TRIO: variants seen among roughly 807,000 people sequenced by gnomAD.
TRIO encodes the protein trio Rho guanine nucleotide exchange factor.
TRIO carries 58 observed loss-of-function variants against 351.9 expected under a neutral mutation model. The ratio of observed to expected loss-of-function variants is 0.16; its 90% CI spans 0.13 to 0.21. The LOEUF (loss-of-function observed/expected upper bound fraction) is 0.21, where lower values mean the gene tolerates loss of function less well. Ranked by LOEUF, TRIO falls within the 10% of genes least tolerant of loss-of-function variation. The pLI, the probability that TRIO is intolerant of heterozygous loss-of-function variation, is 1.00. For synonymous variants in TRIO, 1,758 were observed against 1,595.7 expected (o/e 1.10, Z -2.42); for missense variants, 3,201 against 4,027.8 (o/e 0.79, Z 5.56).
chr5:14,146,807 C>T (rs1266529116), intron 1 of TRIO, among the ~76,000 whole-genome samples: 1 of 152,166 alleles, frequency 6.6e-6, no homozygotes, highest in African/African-American at 2.4e-5. Context: ...TTGGGTAGTT[C>T]AGGGCTCCAG....
chr5:14,328,476 A>G (rs1032113337), intron 9 of TRIO, among the ~76,000 whole-genome samples: 1 of 152,274 alleles, frequency 6.6e-6, no homozygotes, highest in African/African-American at 2.4e-5. Context: ...GAGTTAAAAC[A>G]ATGCGCTCAA....
intron 9 of TRIO, among the ~76,000 whole-genome samples, chr5:14,328,309 G>A (rs1740586024): frequency 6.6e-6 from 1 of 152,152 alleles, no homozygotes; most frequent in African/African-American, 2.4e-5. Context: ...TTAAAACAAT[G>A]TGCTCAATAC....
chr5:14,496,866 T>G lies in TRIO; in HGVS notation c.7881-13T>G. The G allele has an allele frequency of 6.2e-7, 1 of 1,613,762 alleles. No homozygotes were observed. Among genetic ancestry groups the G allele is most frequent in the Non-Finnish European group, 8.5e-7 (1 of 1,179,810 alleles). On this transcript the variant is annotated splice_polypyrimidine_tract_variant and intron_variant, in intron 49 of 56. Coordinates refer to ENST00000344204, the MANE Select transcript of TRIO (RefSeq NM_007118.4). ...GAAAGGCATAATACCCACAGTGTGTTCATTTCCCCTAGGAAGTCAACATCT... is the reference window on the plus strand; with the variant it reads ...GAAAGGCATAATACCCACAGTGTGTGCATTTCCCCTAGGAAGTCAACATCT...
intron 19 of TRIO, 117 bp downstream of exon 19, chr5:14,374,460 C>T (rs1228038220): frequency 1.6e-6 from 1 of 631,904 alleles, no homozygotes; most frequent in Non-Finnish European, 2.6e-6. Flanking sequence ...ATGTCCGTTT[C>T]ATGTTAATGA....
intron 55 of TRIO, among the ~76,000 whole-genome samples, chr5:14,505,267 C>T (rs765997228): frequency 1.1e-4 from 17 of 152,348 alleles, no homozygotes; most frequent in East Asian, 3.9e-4. Context: ...GGGGTGAGTC[C>T]GGCAGGGAGC....
intron 48 of TRIO, chr5:14,488,932 C>T (rs1338294140): frequency 1.3e-6 from 1 of 763,432 alleles, no homozygotes; most frequent in East Asian, 2.4e-5. Context: ...CTCGTTTGGC[C>T]CATCACTCAT....
At chr5:14,363,127 TAGCTGGG>T (rs775536777) in intron 13 of TRIO, among the ~76,000 whole-genome samples, 13 of 151,980 alleles carry the variant, frequency 8.6e-5, no homozygotes, top group Non-Finnish European at 1.8e-4. Context: ...GCCTCCCAAG[TAGCTGGG>T]ACTACAGGCA....
At chr5:14,397,825 AT>A (rs1277898961) in intron 29 of TRIO, among the ~76,000 whole-genome samples, 1 of 151,770 alleles carries the variant, frequency 6.6e-6, no homozygotes, top group Non-Finnish European at 1.5e-5. Flanking sequence ...AGCAAAACAG[AT>A]TTTTCTTTCT....
At position 14,482,728 on chromosome 5, in the gene TRIO, G is replaced by A. The variant is rs1322306149; in HGVS notation, c.6612G>A (p.Lys2204=). The A allele has an allele frequency of 6.2e-7, 1 of 1,609,504 alleles. No homozygotes were observed. ...TATTCAGCGAACCACTTGATAAAAA[G>A]AAGGGCTTCTCCATGCCGGGATTCC... ...IVIFSEPLDK[K]KGFSMPGFLF... The change falls in exon 46 of 57, where the codon AAG becomes AAA. Residue 2204 remains lysine (K), a synonymous_variant. Transcript: ENST00000344204.
intron 34 of TRIO, among the ~76,000 whole-genome samples, chr5:14,425,211 T>A (rs994815212): frequency 1.3e-5 from 2 of 152,206 alleles, no homozygotes; most frequent in Non-Finnish European, 2.9e-5. Flanking sequence ...TCTGTGCCCA[T>A]GGAACAAAAC....
At chr5:14,212,677 A>G (rs892093707) in intron 1 of TRIO, among the ~76,000 whole-genome samples, 5 of 152,132 alleles carry the variant, frequency 3.3e-5, no homozygotes, top group African/African-American at 7.2e-5. Context: ...CCAATCCCCA[A>G]AATGGAGAAC....
intron 8 of TRIO, among the ~76,000 whole-genome samples, chr5:14,310,715 T>G (rs980236300): frequency 6.6e-6 from 1 of 152,240 alleles, no homozygotes; most frequent in Non-Finnish European, 1.5e-5. Flanking sequence ...GAGTGGAGTC[T>G]TCTTCTGTTG....
At chr5:14,452,983 C>T (rs550818952) in intron 34 of TRIO, among the ~76,000 whole-genome samples, 1 of 152,108 alleles carries the variant, frequency 6.6e-6, no homozygotes, top group East Asian at 1.9e-4. Flanking sequence ...CCTGGCAGTC[C>T]CCGTGTTTTG....
rs1737430286 is a variant in TRIO at position 14,297,117 on chromosome 5, C to G, written c.1222C>G (p.Leu408Val). 1 of 1,614,092 alleles carries G rather than the reference C, an allele frequency of 6.2e-7. No individual in the cohort carries two copies. The highest frequency in any genetic ancestry group is 1.3e-5 in the African/African-American group (1 of 75,046). ...INRIMSVANR[L>V]VESGHYASQQ... ...CCGCATCATGTCGGTGGCCAATCGT[C>G]TGGTGGAGTCTGGCCACTATGCCTC... Residue 408 changes from leucine (L) to valine (V), a missense_variant, in exon 7 of 57, where the codon CTG (leucine) becomes GTG (valine). This residue lies in a region of TRIO where 349 missense variants were observed against 449.3 expected (regional missense o/e 0.78). Coordinates refer to ENST00000344204, the MANE Select transcript of TRIO (RefSeq NM_007118.4).
intron 1 of TRIO, among the ~76,000 whole-genome samples, chr5:14,145,204 C>T (rs1327368035): frequency 6.6e-6 from 1 of 152,176 alleles, no homozygotes. Context: ...ATCAGTTCCC[C>T]AATCCGGGTC....
At chr5:14,185,500 C>T (rs1387114048) in intron 1 of TRIO, among the ~76,000 whole-genome samples, 1 of 152,220 alleles carries the variant, frequency 6.6e-6, no homozygotes, top group Non-Finnish European at 1.5e-5. Flanking sequence ...GCCACACACG[C>T]ACTGGAGCTG....
intron 1 of TRIO, among the ~76,000 whole-genome samples, chr5:14,166,634 T>G (rs1271841865): frequency 2.0e-5 from 3 of 152,174 alleles, no homozygotes; most frequent in Non-Finnish European, 4.4e-5. Flanking sequence ...GCTTAGTAAG[T>G]GTTCACCAAA....
At chr5:14,411,157 C>T (rs577244305) in intron 33 of TRIO, among the ~76,000 whole-genome samples, 3 of 152,176 alleles carry the variant, frequency 2.0e-5, no homozygotes, top group Non-Finnish European at 4.4e-5. Context: ...CAGCCAGACA[C>T]GGAACATGCA....
Position 14,359,473 on chromosome 5 carries a change from G to T in TRIO, c.2333G>T (p.Arg778Leu). The T allele has an allele frequency of 6.2e-7, 1 of 1,614,272 alleles. No individual in the cohort carries two copies. The highest frequency in any genetic ancestry group is 8.5e-7 in the Non-Finnish European group (1 of 1,180,044). Residue 778 changes from arginine (R) to leucine (L), a missense_variant, in exon 13 of 57, where the codon CGC becomes CTC. Arg to Leu is a moderately radical substitution (Grantham distance 102). Around this residue, in one of 19 missense-constraint regions of TRIO, gnomAD observed 363 missense variants for 553.5 expected, o/e 0.66. Coordinates refer to ENST00000344204, the MANE Select transcript of TRIO (RefSeq NM_007118.4). ...QSQMEELFQE[R>L]KIKLELFLQL... ...CAGATGGAGGAGCTCTTCCAGGAGCGCAAGATCAAGCTGGAGCTCTTCCTG... is the reference window on the plus strand; with the variant it reads ...CAGATGGAGGAGCTCTTCCAGGAGCTCAAGATCAAGCTGGAGCTCTTCCTG...
Sources: allele counts gnomAD v4.1 joint callset (sites outside exome capture counted in the v4.1 genomes callset), GRCh38; gene constraint gnomAD v4.1.1; regional missense constraint gnomAD v4.1.1; transcripts MANE v1.5; gene names NCBI Gene and HGNC (gene_info 2026-07-23, HGNC 2026-07-21).